HADHA: variants seen among roughly 807,000 people sequenced by gnomAD.
The protein encoded by HADHA is trifunctional enzyme subunit alpha, mitochondrial.
Under a neutral mutation model 91.3 loss-of-function variants are expected in HADHA, and 59 were observed. The observed-to-expected ratio is 0.65, with a 90% CI of 0.52 to 0.80. The LOEUF is 0.80. Ranked by LOEUF, HADHA falls within the 30% of genes least tolerant of loss-of-function variation. The pLI, the probability that HADHA is intolerant of heterozygous loss-of-function variation, is 0.00. For missense variants in HADHA, 800 were observed against 927.6 expected (o/e 0.86, Z 1.79); for synonymous variants, 320 against 338.9 (o/e 0.94, Z 0.61).
At chr2:26,240,424 A>G (rs1670863128) in intron 1 of HADHA, among the ~76,000 whole-genome samples, 1 of 152,190 alleles carries the variant, frequency 6.6e-6, no homozygotes, top group Admixed American at 6.5e-5. Flanking sequence ...ATGAAAAGTG[A>G]AAATAGGCCT....
intron 7 of HADHA, among the ~76,000 whole-genome samples, chr2:26,224,719 G>A (rs544387989): frequency 1.3e-5 from 2 of 152,296 alleles, no homozygotes; most frequent in East Asian, 1.9e-4. Context: ...GACTATGTAT[G>A]GCTTTAGGAG....
At chr2:26,219,117 A>G (rs1213764374) in intron 7 of HADHA, among the ~76,000 whole-genome samples, 4 of 151,664 alleles carry the variant, frequency 2.6e-5, no homozygotes, top group Non-Finnish European at 5.9e-5. Context: ...AAAGGCCAGT[A>G]ATGAAGACAA....
chr2:26,219,526 C>T (rs1670321877), intron 7 of HADHA, among the ~76,000 whole-genome samples: 1 of 152,186 alleles, frequency 6.6e-6, no homozygotes, highest in African/African-American at 2.4e-5. Flanking sequence ...CCTTCACCAC[C>T]ACTGTGAGAA....
chr2:26,216,317 A>ATTT lies in HADHA; in HGVS notation c.677-1145_677-1143dup, dbSNP rs11406704. On this transcript the variant is annotated intron_variant, in intron 7 of 19. Transcript: ENST00000380649. Reference sequence around the variant, plus strand: ...ATCTCTCCCTTAAGACATTTGACCTATTTTTTTTTTTTTTTTTTTTTGAGA... The same window carrying ATTT: ...ATCTCTCCCTTAAGACATTTGACCTATTTTTTTTTTTTTTTTTTTTTTTTGAGA... 5.6e-3 allele frequency among the ~76,000 whole-genome samples: 618 copies of ATTT among 110,098 alleles called. 23 individuals carry two copies. The highest frequency in any genetic ancestry group is 0.016 in the African/African-American group (455 of 28,296). The allele number at this position is 110,098 out of a possible 152,430, so 72.2% of individuals were successfully genotyped here.
In HADHA at chr2:26,190,665, G is replaced by A. The variant is rs1404081739; in HGVS notation, c.*585C>T. ...GCTGGGGAAAGAGGTTTAATATCCC[G>A]GTACACCGTGGTGAGAAGCCTGGGC... On this transcript the variant is annotated 3_prime_UTR_variant, in exon 20 of 20. Transcript: ENST00000380649. 2 of 161,224 alleles carry A rather than the reference G, an allele frequency of 1.2e-5. No homozygotes were observed. The highest frequency in any genetic ancestry group is 2.4e-5 in the African/African-American group (1 of 41,492). The allele number at this position is 161,224 out of a possible 1,614,324, so 10.0% of individuals were successfully genotyped here. A position where few individuals can be genotyped will look rare whatever the true frequency, so the allele number is the denominator to read the frequency against.
intron 16 of HADHA, 137 bp from the exon 17 acceptor site, chr2:26,193,909 C>G: frequency 1.5e-6 from 1 of 686,158 alleles, no homozygotes; most frequent in Non-Finnish European, 2.6e-6. Flanking sequence ...AGGACTGGTG[C>G]TATTTCATTC....
At chr2:26,222,096 A>C (rs1179540812) in intron 7 of HADHA, among the ~76,000 whole-genome samples, 1 of 152,134 alleles carries the variant, frequency 6.6e-6, no homozygotes, top group African/African-American at 2.4e-5. Context: ...TAAAGAAGCG[A>C]TTAAGTTAAA....
chr2:26,204,476 T>A (rs1669926531), intron 11 of HADHA, among the ~76,000 whole-genome samples: 1 of 152,188 alleles, frequency 6.6e-6, no homozygotes, highest in Non-Finnish European at 1.5e-5. Flanking sequence ...AAACAACCAG[T>A]TTACATTTAA....
At chr2:26,212,357 G>C in intron 10 of HADHA, 4 of 563,444 alleles carry the variant, frequency 7.1e-6, no homozygotes, top group Non-Finnish European at 6.4e-6. Flanking sequence ...AGAATGTTGG[G>C]ATTACAGGGG....
intron 9 of HADHA, 78 bp from the exon 10 acceptor site, chr2:26,212,704 G>C: frequency 1.1e-6 from 1 of 926,262 alleles, no homozygotes; most frequent in East Asian, 2.4e-5. Flanking sequence ...AAAATTGCCA[G>C]TGTTGTTAGT....
At chr2:26,198,352 G>A (rs1446010736) in intron 13 of HADHA, among the ~76,000 whole-genome samples, 1 of 148,594 alleles carries the variant, frequency 6.7e-6, no homozygotes, top group Non-Finnish European at 1.5e-5. Context: ...TTCTGGCCAC[G>A]ATCCCAACTT....
intron 13 of HADHA, 139 bp from the exon 14 acceptor site, chr2:26,197,916 A>G: frequency 1.4e-6 from 1 of 713,608 alleles, no homozygotes; most frequent in Non-Finnish European, 2.6e-6. Flanking sequence ...TCACTCACCC[A>G]GACATTGACG....
intron 11 of HADHA, 124 bp from the exon 12 acceptor site, chr2:26,204,320 A>G: frequency 1.1e-6 from 1 of 887,452 alleles, no homozygotes; most frequent in Non-Finnish European, 1.8e-6. Context: ...TGTTTCAAAT[A>G]ATTTTTATTT....
At chr2:26,196,817 A>G (rs1308788374) in intron 14 of HADHA, among the ~76,000 whole-genome samples, 1 of 152,146 alleles carries the variant, frequency 6.6e-6, no homozygotes, top group Non-Finnish European at 1.5e-5. Flanking sequence ...TGCCACACAG[A>G]TGTCTTGAGT....
At chr2:26,223,901 C>G (rs1017458900) in intron 7 of HADHA, among the ~76,000 whole-genome samples, 2 of 152,120 alleles carry the variant, frequency 1.3e-5, no homozygotes, top group Admixed American at 1.3e-4. Context: ...CATGTACCAC[C>G]ACGCCTGGCT....
intron 5 of HADHA, 72 bp downstream of exon 5, chr2:26,234,145 C>T (rs1670691067): frequency 7.0e-7 from 1 of 1,426,166 alleles, no homozygotes; most frequent in African/African-American, 1.4e-5. Context: ...AAAGCAGTAG[C>T]CTAAGGGTTT....
intron 12 of HADHA, 110 bp downstream of exon 12, chr2:26,203,952 C>T (rs774964269): frequency 7.7e-5 from 82 of 1,064,980 alleles, no homozygotes; most frequent in Middle Eastern, 3.0e-4. Context: ...AAAAGGAATC[C>T]GTGATGGCAA....
intron 1 of HADHA, among the ~76,000 whole-genome samples, chr2:26,241,346 G>A (rs923897807): frequency 2.0e-5 from 3 of 152,016 alleles, no homozygotes; most frequent in Non-Finnish European, 2.9e-5. Context: ...ATGGCCGGGC[G>A]CGGTGGCTCA....
intron 7 of HADHA, among the ~76,000 whole-genome samples, chr2:26,220,159 G>A (rs1476354821): frequency 6.6e-6 from 1 of 152,194 alleles, no homozygotes; most frequent in Non-Finnish European, 1.5e-5. Context: ...AGCAGTCAGA[G>A]TAGGGGCTTA....
Sources: allele counts gnomAD v4.1 joint callset (sites outside exome capture counted in the v4.1 genomes callset), GRCh38; gene constraint gnomAD v4.1.1; transcripts MANE v1.5; gene names NCBI Gene and HGNC (gene_info 2026-07-23, HGNC 2026-07-21).